PRKCH: variants seen among roughly 807,000 people sequenced by gnomAD.
The protein encoded by PRKCH is protein kinase C eta, also known as protein kinase C eta type.
PRKCH carries 28 observed loss-of-function variants against 82.5 expected under a neutral mutation model. The observed-to-expected ratio is 0.34, with a 90% confidence interval of 0.25 to 0.47. PRKCH has a LOEUF of 0.47. Ranked by LOEUF, PRKCH falls within the 20% of genes least tolerant of loss-of-function variation. The pLI is 1.00. For missense variants in PRKCH, 705 were observed against 881.8 expected, an observed-to-expected ratio of 0.80 and a Z score of 2.54; for synonymous variants, 322 against 327.4, an observed-to-expected ratio of 0.98 and a Z score of 0.18.
chr14:61,232,825 A>C (rs1208974899), intron 1 of PRKCH, among the ~76,000 whole-genome samples: 2 of 152,048 alleles, frequency 1.3e-5, no homozygotes, highest in Non-Finnish European at 2.9e-5. Context: ...CCAACCCTCT[A>C]ATCAGGCCTT....
intron 9 of PRKCH, among the ~76,000 whole-genome samples, chr14:61,468,336 T>A (rs1885351778): frequency 6.6e-6 from 1 of 152,226 alleles, no homozygotes; most frequent in African/African-American, 2.4e-5. Flanking sequence ...TAGTGTTCCA[T>A]CTTTTTTTTA....
At chr14:61,204,123 C>A (rs950186365) in intron 1 of PRKCH, among the ~76,000 whole-genome samples, 1 of 151,994 alleles carries the variant, frequency 6.6e-6, no homozygotes, top group Non-Finnish European at 1.5e-5. Flanking sequence ...CCCTTGGCAA[C>A]CAGAGCCCTT....
chr14:61,450,732 A>C, intron 5 of PRKCH, 110 bp from the exon 6 acceptor site: 1 of 1,283,090 alleles, frequency 7.8e-7, no homozygotes, highest in South Asian at 1.5e-5. Context: ...TAATATACCT[A>C]GCTCAGGTGT....
intron 1 of PRKCH, among the ~76,000 whole-genome samples, chr14:61,335,052 T>G (rs1406328895): frequency 6.6e-6 from 1 of 152,134 alleles, no homozygotes; most frequent in Non-Finnish European, 1.5e-5. Flanking sequence ...ATTTATTTTT[T>G]GTAATCTTGG....
At chr14:61,468,513 G>T (rs988440968) in intron 9 of PRKCH, among the ~76,000 whole-genome samples, 2 of 152,148 alleles carry the variant, frequency 1.3e-5, no homozygotes, top group African/African-American at 4.8e-5. Flanking sequence ...CTTTGCTTCT[G>T]TCCTCTCCGG....
chr14:61,340,607 CTGTG>C (rs1326564857), intron 1 of PRKCH, among the ~76,000 whole-genome samples: 1 of 152,208 alleles, frequency 6.6e-6, no homozygotes. Context: ...TCACAGTAGA[CTGTG>C]AGAGAGGAGG....
intron 10 of PRKCH, among the ~76,000 whole-genome samples, chr14:61,520,226 T>C (rs1044640681): frequency 2.6e-5 from 4 of 152,306 alleles, no homozygotes; most frequent in African/African-American, 9.6e-5. Context: ...ACATATCACC[T>C]GGAAATAGAC....
chr14:61,535,248 A>T (rs890022067), intron 12 of PRKCH, among the ~76,000 whole-genome samples: 5 of 152,230 alleles, frequency 3.3e-5, no homozygotes, highest in Admixed American at 6.5e-5. Flanking sequence ...GAGTGAGGCA[A>T]ACATGATCCT....
chr14:61,490,630 G>A (rs367858087), intron 10 of PRKCH, among the ~76,000 whole-genome samples: 2 of 152,168 alleles, frequency 1.3e-5, no homozygotes, highest in African/African-American at 2.4e-5. Flanking sequence ...TTTGTGTGTT[G>A]GGGCCAGGCA....
At chr14:61,215,108 G>T (rs1486947626) in intron 1 of PRKCH, among the ~76,000 whole-genome samples, 3 of 152,180 alleles carry the variant, frequency 2.0e-5, no homozygotes, top group Non-Finnish European at 4.4e-5. Context: ...ACAGTTAGAT[G>T]CCGTGATGGT....
chr14:61,216,519 G>A (rs746728793), intron 1 of PRKCH, among the ~76,000 whole-genome samples: 4 of 151,986 alleles, frequency 2.6e-5, no homozygotes, highest in African/African-American at 7.2e-5. Flanking sequence ...AAAGTCAAAG[G>A]TTGCAAAGAA....
In PRKCH at chr14:61,280,578, C is replaced by T; in HGVS notation, c.-19+92910C>T. 2 of 1,602,080 alleles carry T rather than the reference C, an allele frequency of 1.2e-6. No homozygotes were observed. The highest frequency in any genetic ancestry group is 8.5e-7 in the Non-Finnish European group (1 of 1,174,808). ...ACCAGGCGATGCCGGAGCGGTCGAG[C>T]GGCACCTCGACGTAGGGCCCGCCGG... On this transcript the variant is annotated intron_variant, in intron 1 of 3. Transcript: ENST00000555185. This position sits in a 1 kb window ranked among gnomAD's most constrained non-coding sequence, Gnocchi z 5.0.
intron 2 of PRKCH, among the ~76,000 whole-genome samples, chr14:61,428,894 T>C (rs561739093): frequency 6.6e-6 from 1 of 152,322 alleles, no homozygotes; most frequent in South Asian, 2.1e-4. Flanking sequence ...AAAATACCTT[T>C]TTTTGGAGGA....
chr14:61,509,476 C>T (rs1393356898), intron 10 of PRKCH, among the ~76,000 whole-genome samples: 1 of 151,452 alleles, frequency 6.6e-6, no homozygotes, highest in Non-Finnish European at 1.5e-5. Flanking sequence ...TCTTTGCTCT[C>T]AGGATTTAGT....
chr14:61,328,644 C>T (rs534017775), intron 1 of PRKCH, among the ~76,000 whole-genome samples: 2 of 151,944 alleles, frequency 1.3e-5, no homozygotes, highest in Middle Eastern at 3.4e-3. Flanking sequence ...GTAGCATTTG[C>T]GTAGAATAAT....
At chr14:61,207,411 A>G (rs146112559) in intron 1 of PRKCH, among the ~76,000 whole-genome samples, 71 of 152,246 alleles carry the variant, frequency 4.7e-4, no homozygotes, top group African/African-American at 1.6e-3. Context: ...GGAAGACTCA[A>G]TCCACTTGCA....
chr14:61,247,735 C>CAAAAAAAAAAAAAAAAAAA (rs202153655), intron 1 of PRKCH, among the ~76,000 whole-genome samples: 1 of 52,716 alleles, frequency 1.9e-5, no homozygotes, highest in African/African-American at 7.9e-5. Flanking sequence ...GACTCCATCT[C>CAAAAAAAAAAAAAAAAAAA]AAAAAAAAAA....
intron 9 of PRKCH, among the ~76,000 whole-genome samples, chr14:61,484,543 G>A (rs1032899611): frequency 3.9e-5 from 6 of 152,046 alleles, no homozygotes; most frequent in Non-Finnish European, 7.4e-5. Context: ...CTTTCATGAA[G>A]CAGTCATGAT....
chr14:61,424,512 C>CT (rs1314322076), intron 2 of PRKCH, among the ~76,000 whole-genome samples: 5 of 152,206 alleles, frequency 3.3e-5, no homozygotes, highest in Admixed American at 2.0e-4. Flanking sequence ...AGCAAAGAGA[C>CT]TGACAGCATT....
Sources: gnomAD v4.1 joint callset for allele counts (sites outside exome capture counted in the v4.1 genomes callset) on GRCh38, gnomAD v4.1.1 for gene constraint, Gnocchi (gnomAD v3.1) non-coding constraint, MANE v1.5 for transcripts, NCBI Gene and HGNC (gene_info 2026-07-23, HGNC 2026-07-21) for gene names.